Variants in SARDH observed in about 807,000 individuals in gnomAD.
SARDH encodes sarcosine dehydrogenase.
A neutral mutation model predicts 109.1 loss-of-function variants in SARDH; 95 were observed. That is an observed-to-expected ratio of 0.87 (90% CI 0.74 to 1.03). The LOEUF (loss-of-function observed/expected upper bound fraction) is 1.03. Among genes scored for constraint, SARDH ranks in the 50% least tolerant of loss-of-function variants. SARDH has a pLI of 0.00. For synonymous variants in SARDH, 572 were observed against 534.8 expected, an observed-to-expected ratio of 1.07 and a Z score of -0.96; for missense variants, 1,267 against 1,287.8, an observed-to-expected ratio of 0.98 and a Z score of 0.25.
chr9:133,717,246 T>C (rs1588441663), intron 8 of SARDH, 80 bp downstream of exon 8: 2 of 1,550,694 alleles, frequency 1.3e-6, no homozygotes, highest in African/African-American at 1.4e-5. Context: ...CACAGGCTGG[T>C]CTCACGGGGC....
At chr9:133,672,561 A>C (rs1588381813) in intron 17 of SARDH, among the ~76,000 whole-genome samples, 1 of 152,208 alleles carries the variant, frequency 6.6e-6, no homozygotes, top group African/African-American at 2.4e-5. Flanking sequence ...CCCTGGCTGC[A>C]CCAGGTGGGG....
At chr9:133,716,992 A>T (rs1465841731) in intron 8 of SARDH, among the ~76,000 whole-genome samples, 1 of 152,188 alleles carries the variant, frequency 6.6e-6, no homozygotes, top group Non-Finnish European at 1.5e-5. Flanking sequence ...CCCATTTTAC[A>T]GATGAAAACA....
chr9:133,690,270 A>T, intron 16 of SARDH, 110 bp downstream of exon 16: 1 of 1,265,758 alleles, frequency 7.9e-7, no homozygotes, highest in South Asian at 1.4e-5. Flanking sequence ...AGAGCGCTTA[A>T]CTATTCAGAA....
chr9:133,662,913 G>A (rs868840434), downstream of SARDH, among the ~76,000 whole-genome samples: 1 of 152,330 alleles, frequency 6.6e-6, no homozygotes, highest in Middle Eastern at 3.4e-3. This position sits in a 1 kb window ranked among gnomAD's most constrained non-coding sequence, Gnocchi z 5.1. Context: ...ACCCCTCCCA[G>A]GCAGGAGAGG....
At chr9:133,724,531 G>A (rs955433994) in intron 6 of SARDH, among the ~76,000 whole-genome samples, 1 of 152,152 alleles carries the variant, frequency 6.6e-6, no homozygotes, top group African/African-American at 2.4e-5. Flanking sequence ...TGAGGATGGA[G>A]GGGAGCTGGA....
In SARDH at chr9:133,728,255, G is replaced by A. The variant is rs779204875; in HGVS notation, c.915+1510C>T. On this transcript the variant is annotated intron_variant, in intron 6 of 20. Coordinates refer to ENST00000439388, the MANE Select transcript of SARDH (RefSeq NM_001134707.2). This position sits in a 1 kb window ranked among gnomAD's most constrained non-coding sequence, Gnocchi z 5.0. ...GGGACCCAGGTTCCGGCCCCATTTC[G>A]CCACCCGCTTCACTACCCTGGTCTA... is the stretch of plus-strand genomic sequence containing the variant. Among the ~76,000 whole-genome samples, 2 of 152,114 alleles carry A rather than the reference G, an allele frequency of 1.3e-5. No homozygotes were observed. The highest frequency in any genetic ancestry group is 2.1e-4 in the South Asian group (1 of 4,824).
At chr9:133,668,040 G>C (rs1446528489) in intron 19 of SARDH, among the ~76,000 whole-genome samples, 1 of 151,968 alleles carries the variant, frequency 6.6e-6, no homozygotes, top group African/African-American at 2.4e-5. Flanking sequence ...GGGTCACAGG[G>C]GCCGTCCGAG....
At position 133,666,821 on chromosome 9, in the gene SARDH, C is replaced by A. The variant is rs760346230; in HGVS notation, c.2545G>T (p.Val849Leu). ...AAGTCAGCCCTCCGGACATGGCCCA[C>A]CACTTGGCCGTTCCTCCAGATGGCC... ...LEAIWRNGQV[V>L]GHVRRADFGF... The change falls in exon 20 of 21, where the codon GTG becomes TTG. Residue 849 changes from valine (V) to leucine (L), a missense_variant. By Grantham distance (32) the Val-to-Leu change is conservative. Transcript: ENST00000439388. This position sits in a 1 kb window ranked among gnomAD's most constrained non-coding sequence, Gnocchi z 5.2. 3.1e-6 allele frequency: 5 copies of A among 1,610,046 alleles called. No homozygotes were observed. The highest frequency in any genetic ancestry group is 4.2e-6 in the Non-Finnish European group (5 of 1,178,454).
At chr9:133,706,245 G>GAATA (rs59293062) in intron 11 of SARDH, among the ~76,000 whole-genome samples, 35,005 of 151,960 alleles carry the variant, frequency 0.23, 4,306 homozygotes, top group East Asian at 0.39. Flanking sequence ...ACAAAGCATG[G>GAATA]TCTGCATACA....
chr9:133,734,969 A>G (rs561873665), intron 1 of SARDH, among the ~76,000 whole-genome samples: 10 of 152,106 alleles, frequency 6.6e-5, no homozygotes, highest in Admixed American at 5.9e-4. Flanking sequence ...GAGTGCCCAG[A>G]GAAGGCGGTG....
At chr9:133,683,557 A>G (rs556539621) in intron 17 of SARDH, among the ~76,000 whole-genome samples, 2 of 151,890 alleles carry the variant, frequency 1.3e-5, no homozygotes, top group Admixed American at 1.3e-4. Flanking sequence ...CTGAGTGCCC[A>G]CCCTCTCTGG....
chr9:133,711,292 C>G (rs142949004), intron 10 of SARDH, among the ~76,000 whole-genome samples: 4 of 152,214 alleles, frequency 2.6e-5, no homozygotes, highest in Non-Finnish European at 4.4e-5. Flanking sequence ...GCTGGAATCC[C>G]CAAGGGAGGC....
rs536713223 is a variant in SARDH at position 133,686,349 on chromosome 9, G to C, written c.2070-1063C>G. 6.6e-6 allele frequency among the ~76,000 whole-genome samples: 1 copy of C among 151,984 alleles called. No individual in the cohort carries two copies. The highest frequency in any genetic ancestry group is 1.9e-4 in the East Asian group (1 of 5,156). On this transcript the variant is annotated intron_variant, in intron 16 of 20. Coordinates refer to ENST00000439388, the MANE Select transcript of SARDH (RefSeq NM_001134707.2). This position sits in a 1 kb window ranked among gnomAD's most constrained non-coding sequence, Gnocchi z 4.0. ...AGGCCTAGCCCTCTTGTGCCCCTTC[G>C]CATTCTCACCCCTTCCCCTGTCACC...
At chr9:133,706,072 G>A (rs1030247385) in intron 11 of SARDH, among the ~76,000 whole-genome samples, 1 of 152,220 alleles carries the variant, frequency 6.6e-6, no homozygotes, top group African/African-American at 2.4e-5. Flanking sequence ...TGCCCTAGCA[G>A]AAAGATGCAC....
rs987943112 is a variant in SARDH, at chr9:133,704,996, C to G, written c.1506G>C (p.Arg502=). The change falls in exon 12 of 21, where the codon CGG becomes CGC. Residue 502 remains arginine, a synonymous_variant. Transcript: ENST00000439388. The surrounding 1 kb of genome is among the most constrained non-coding windows in gnomAD (Gnocchi z 4.5). ...ACCATCCCGGTCGCTCCCAGCCATG[C>G]CGCTCCTGGAACACGCAGCCTTGTC... ...LLGQGCVFQE[R]HGWERPGWFH... The G allele has an allele frequency of 6.3e-7, 1 of 1,590,544 alleles. No homozygotes were observed. Among genetic ancestry groups the G allele is most frequent in the Non-Finnish European group, 8.6e-7 (1 of 1,169,490 alleles).
intron 15 of SARDH, among the ~76,000 whole-genome samples, chr9:133,691,107 G>C (rs1831075550): frequency 6.6e-6 from 1 of 151,894 alleles, no homozygotes. Context: ...CACCTGAACT[G>C]GGGCCGTTTC....
chr9:133,677,434 A>G (rs1830555802), intron 17 of SARDH, among the ~76,000 whole-genome samples: 1 of 152,146 alleles, frequency 6.6e-6, no homozygotes, highest in African/African-American at 2.4e-5. Context: ...GGACCAGAGC[A>G]GATACCTGGC....
chr9:133,689,441 A>T (rs1831012710), intron 16 of SARDH, among the ~76,000 whole-genome samples: 1 of 151,752 alleles, frequency 6.6e-6, no homozygotes, highest in Admixed American at 6.6e-5. Context: ...GAAGGCCTAG[A>T]CTAGGCCGTT....
intron 14 of SARDH, 149 bp downstream of exon 14, chr9:133,696,074 G>A (rs539418280): frequency 3.1e-5 from 24 of 768,322 alleles, no homozygotes; most frequent in South Asian, 1.9e-4. Context: ...AAAGGGGGCC[G>A]GACGGGGGGG....
Sources: allele counts gnomAD v4.1 joint callset (sites outside exome capture counted in the v4.1 genomes callset), GRCh38; gene constraint gnomAD v4.1.1; non-coding constraint Gnocchi (gnomAD v3.1); transcripts MANE v1.5; gene names NCBI Gene and HGNC (gene_info 2026-07-23, HGNC 2026-07-21).